Variants in VPS4A observed in about 807,000 individuals in gnomAD.
VPS4A encodes vacuolar protein sorting 4 homolog A.
VPS4A carries 20 observed loss-of-function variants against 52.3 expected under a neutral mutation model. The ratio of observed to expected loss-of-function variants is 0.38; its 90% confidence interval spans 0.27 to 0.56. The LOEUF is 0.56. VPS4A is among the 20% of genes least tolerant of loss of function. The pLI is 0.72. For synonymous variants in VPS4A, 293 were observed against 227.7 expected (o/e 1.29, Z -2.58); for missense variants, 419 against 575.9 (o/e 0.73, Z 2.79).
intron 5 of VPS4A, 40 bp from the exon 6 acceptor site, chr16:69,319,347 C>A: frequency 6.2e-7 from 1 of 1,609,142 alleles, no homozygotes; most frequent in Non-Finnish European, 8.5e-7. Flanking sequence ...TATTCCTTTC[C>A]CCAGTCAGGA....
chr16:69,319,253 T>C (rs1284118309), intron 5 of VPS4A, 134 bp from the exon 6 acceptor site: 1 of 1,307,326 alleles, frequency 7.6e-7, no homozygotes, highest in African/African-American at 1.5e-5. Flanking sequence ...GTAGCTCCCA[T>C]CACTTGTTTG....
rs750094020 is a variant in VPS4A at position 69,319,552 on chromosome 16, G to A, written c.620+9G>A. ...CTGGGGGAGAGTGAAAAGTAAGTCG[G>A]CCACCAGGCCATGCTCTGCCAGCAG... is the stretch of plus-strand genomic sequence containing the variant. On this transcript the variant is annotated intron_variant, in intron 6 of 10. Coordinates refer to ENST00000254950, the MANE Select transcript of VPS4A (RefSeq NM_013245.3). 4 of 1,607,336 alleles carry A rather than the reference G, an allele frequency of 2.5e-6. No homozygotes were observed. The highest frequency in any genetic ancestry group is 3.3e-4 in the Middle Eastern group (2 of 6,050).
Position 69,320,361 on chromosome 16 carries a change from G to A in VPS4A, c.769+72G>A. On this transcript the variant is annotated intron_variant, in intron 7 of 10. Transcript: ENST00000254950. The surrounding 1 kb of genome is among the most constrained non-coding windows in gnomAD (Gnocchi z 4.2). The stretch of plus-strand genomic sequence containing the variant: ...CCAACCCTGGGCTTTATTCTGAGCT[G>A]CGGCTGGATTTGGTTGTTCTCAGCC... 6.4e-7 allele frequency: 1 copy of A among 1,571,826 alleles called. No individual in the cohort carries two copies.
chr16:69,326,344 T>G lies in VPS4A; in HGVS notation c.*2035T>G, dbSNP rs769785518. 6.6e-6 allele frequency: 1 copy of G among 152,216 alleles called. No homozygotes were observed. Among genetic ancestry groups the G allele is most frequent in the Non-Finnish European group, 1.5e-5 (1 of 68,026 alleles). The allele number at this position is 152,216 out of a possible 1,614,324, so 9.4% of individuals were successfully genotyped here. A position where few individuals can be genotyped will look rare whatever the true frequency, so the allele number is the denominator to read the frequency against. On this transcript the variant is annotated 3_prime_UTR_variant, in exon 11 of 11. Coordinates refer to ENST00000254950, the MANE Select transcript of VPS4A (RefSeq NM_013245.3). Reference sequence around the variant, plus strand: ...TCAACCATAGCAGCTGGGATCTTTGTGGCTTGGGGGTGCTTGTGTAAGTTC... The same window carrying G: ...TCAACCATAGCAGCTGGGATCTTTGGGGCTTGGGGGTGCTTGTGTAAGTTC...
intron 1 of VPS4A, among the ~76,000 whole-genome samples, chr16:69,314,126 C>G (rs1041436206): frequency 6.6e-6 from 1 of 151,744 alleles, no homozygotes; most frequent in Admixed American, 6.6e-5. Flanking sequence ...TCACCACACC[C>G]GGCTAACTTT....
chr16:69,314,224 C>T (rs138753372), intron 1 of VPS4A, among the ~76,000 whole-genome samples: 3,758 of 152,148 alleles, frequency 0.025, 161 homozygotes, highest in African/African-American at 0.085. Context: ...GCCTCCGCGT[C>T]CCAAAGTGCT....
rs1393921890 is a variant in VPS4A, at chr16:69,320,373, GGTT to G, written c.769+88_769+90del. On this transcript the variant is annotated intron_variant, in intron 7 of 10. Coordinates refer to ENST00000254950, the MANE Select transcript of VPS4A (RefSeq NM_013245.3). This position sits in a 1 kb window ranked among gnomAD's most constrained non-coding sequence, Gnocchi z 4.2. ...TTTATTCTGAGCTGCGGCTGGATTT[GGTT>G]GTTCTCAGCCTCGGAGAGGCACTCC... The G allele has an allele frequency of 1.9e-6, 3 of 1,558,042 alleles. No homozygotes were observed. The highest frequency in any genetic ancestry group is 4.5e-5 in the East Asian group (2 of 44,084).
intron 1 of VPS4A, among the ~76,000 whole-genome samples, chr16:69,315,049 C>G (rs1965419365): frequency 6.6e-6 from 1 of 152,102 alleles, no homozygotes; most frequent in South Asian, 2.1e-4. Flanking sequence ...GCCTGGCCAA[C>G]ATGGTGAAAC....
In VPS4A at chr16:69,319,577, G is replaced by A. The variant is rs371843576; in HGVS notation, c.620+34G>A. 3.8e-6 allele frequency: 6 copies of A among 1,593,306 alleles called. No individual in the cohort carries two copies. In the East Asian group the frequency reaches 6.9e-5, roughly 18 times the overall value. On this transcript the variant is annotated intron_variant, in intron 6 of 10. Transcript: ENST00000254950. The stretch of plus-strand genomic sequence containing the variant: ...GCCACCAGGCCATGCTCTGCCAGCA[G>A]CCCCGGCACTGCTAGTGACCCAGCG...
Position 69,311,630 on chromosome 16 carries a change from C to T in VPS4A, c.21+98C>T. ...GGGCGGGTGGTCAGGTGGGCGCCTC[C>T]CAGCCCCGGCCTCGCGACCCCGCTC... On this transcript the variant is annotated intron_variant, in intron 1 of 10. Coordinates refer to ENST00000254950, the MANE Select transcript of VPS4A (RefSeq NM_013245.3). 5.1e-6 allele frequency: 6 copies of T among 1,165,442 alleles called. No homozygotes were observed. The South Asian group carries it at 1.7e-4, about 33-fold the overall frequency. 72.2% of individuals were successfully genotyped at this position (1,165,442 alleles called of 1,614,324 possible).
chr16:69,324,325 G>C lies in VPS4A; in HGVS notation c.*16G>C, dbSNP rs374643844. 80 of 1,611,622 alleles carry C rather than the reference G, an allele frequency of 5.0e-5. No individual in the cohort carries two copies. Among genetic ancestry groups the C allele is most frequent in the Non-Finnish European group, 6.8e-5 (80 of 1,178,848 alleles). ...AGAGAGTTAAAAGCTGCTTCACTTGGGCAATGGTGAAGGTGGGAGGTTGAT... is the reference window on the plus strand; with the variant it reads ...AGAGAGTTAAAAGCTGCTTCACTTGCGCAATGGTGAAGGTGGGAGGTTGAT... On this transcript the variant is annotated 3_prime_UTR_variant, in exon 11 of 11. Transcript: ENST00000254950.
In VPS4A at chr16:69,322,709, C is replaced by A; in HGVS notation, c.1212+9C>A. 6.2e-7 allele frequency: 1 copy of A among 1,611,078 alleles called. No individual in the cohort carries two copies. The highest frequency in any genetic ancestry group is 8.5e-7 in the Non-Finnish European group (1 of 1,178,176). On this transcript the variant is annotated intron_variant, in intron 10 of 10. Transcript: ENST00000254950. ...AGCCTGTGGTTTGCATGGTAAGTGA[C>A]TTGACAGGGGAGGGAAGAGGGCTGC...
Position 69,314,126 on chromosome 16 carries a change from C to CGGCT in VPS4A, c.22-1881_22-1878dup, listed in dbSNP as rs1200787376. Among the ~76,000 whole-genome samples, 13 of 151,744 alleles carry CGGCT rather than the reference C, an allele frequency of 8.6e-5. No individual in the cohort carries two copies. In the East Asian group the frequency reaches 2.5e-3, roughly 29 times the overall value. ...AACTACAGGCACGCGTCACCACACC[C>CGGCT]GGCTAACTTTTTGTATTTTTAGTAG... On this transcript the variant is annotated intron_variant, in intron 1 of 10. Transcript: ENST00000254950.
intron 10 of VPS4A, chr16:69,322,918 A>C: frequency 1.4e-5 from 5 of 353,472 alleles, no homozygotes; most frequent in African/African-American, 2.1e-5. Context: ...AAATACAAAA[A>C]TTAGCCGGGT....
chr16:69,319,671 G>C, intron 6 of VPS4A, 128 bp downstream of exon 6: 1 of 1,267,176 alleles, frequency 7.9e-7, no homozygotes, highest in Middle Eastern at 2.4e-4. Context: ...AGAGCAGTGT[G>C]TCGCTAGCTT....
intron 5 of VPS4A, 99 bp from the exon 6 acceptor site, chr16:69,319,288 A>G (rs776408741): frequency 2.4e-4 from 362 of 1,508,218 alleles, no homozygotes; most frequent in Non-Finnish European, 3.1e-4. Context: ...TGTTTCACAG[A>G]ATGCCCTGTT....
At position 69,318,651 on chromosome 16, in the gene VPS4A, A is replaced by G. The variant is rs1965468568; in HGVS notation, c.283A>G (p.Ser95Gly). Reference sequence around the variant, plus strand: ...GTGACTTTCCGTCTCCCTTCCCAGCAGTGACAGTGACAGTGAAGGGGATAA... The same window carrying G: ...GTGACTTTCCGTCTCCCTTCCCAGCGGTGACAGTGACAGTGAAGGGGATAA... ...VKENQSEGKGSDSDSEGDNPE... is the reference protein window; with the variant it reads ...VKENQSEGKGGDSDSEGDNPE... Residue 95 changes from serine (S) to glycine (G), a missense_variant and splice_region_variant, in exon 4 of 11, where the codon AGT (serine) becomes GGT (glycine). Ser to Gly is a moderately conservative substitution (Grantham distance 56). This residue lies in a region of VPS4A where 131 missense variants were observed against 165.4 expected (regional missense o/e 0.79). Transcript: ENST00000254950. 6.2e-7 allele frequency: 1 copy of G among 1,608,724 alleles called. No individual in the cohort carries two copies. Among genetic ancestry groups the G allele is most frequent in the Non-Finnish European group, 8.5e-7 (1 of 1,177,430 alleles).
chr16:69,322,749 A>G, intron 10 of VPS4A, 49 bp downstream of exon 10: 1 of 1,567,366 alleles, frequency 6.4e-7, no homozygotes, highest in Non-Finnish European at 8.7e-7. Flanking sequence ...AGCCCAGAAA[A>G]TTGAGGGTTT....
intron 2 of VPS4A, 44 bp downstream of exon 2, chr16:69,316,163 G>T (rs376423657): frequency 1.2e-6 from 2 of 1,611,976 alleles, no homozygotes; most frequent in Admixed American, 3.3e-5. Context: ...CTCCAGAGGG[G>T]AGCGGAGGAG....
Sources: gnomAD v4.1 joint callset for allele counts (sites outside exome capture counted in the v4.1 genomes callset) on GRCh38, gnomAD v4.1.1 for gene constraint, gnomAD v4.1.1 regional missense constraint, Gnocchi (gnomAD v3.1) non-coding constraint, MANE v1.5 for transcripts, NCBI Gene and HGNC (gene_info 2026-07-23, HGNC 2026-07-21) for gene names.